The following DISC1 variants were observed in gnomAD, a reference collection of about 807,000 sequenced individuals.
DISC1 encodes the protein DISC1 scaffold protein.
DISC1 carries 57 observed loss-of-function variants against 84.5 expected under a neutral mutation model. That is an observed-to-expected ratio of 0.67 (90% CI 0.55 to 0.84). The LOEUF (loss-of-function observed/expected upper bound fraction) is 0.84, where lower values mean the gene tolerates loss of function less well. DISC1 is among the 40% of genes least tolerant of loss of function. The pLI, the probability that DISC1 is intolerant of heterozygous loss-of-function variation, is 0.00. For missense variants in DISC1, 1,000 were observed against 1,057.8 expected (o/e 0.95, Z 0.76); for synonymous variants, 411 against 415.2 (o/e 0.99, Z 0.12).
chr1:232,008,944 C>A lies in DISC1; in HGVS notation c.2202C>A (p.Pro734=), dbSNP rs138051341. The A allele has an allele frequency of 2.2e-5, 35 of 1,613,700 alleles. No homozygotes were observed. The African/African-American group carries it at 4.3e-4, about 20-fold the overall frequency. Residue 734 remains proline (P), a synonymous_variant, in exon 11 of 13, where the codon CCC becomes CCA. Coordinates refer to ENST00000439617, the MANE Select transcript of DISC1 (RefSeq NM_018662.3). Reference sequence around the variant, plus strand: ...AGGGAGCTGCTCCTCCTATTCCCCCCAGGCTCCACTCCGAGGATAAAAGGA... The same window carrying A: ...AGGGAGCTGCTCCTCCTATTCCCCCAAGGCTCCACTCCGAGGATAAAAGGA... ...DLEGAAPPIP[P]RLHSEDKRKT...
At chr1:231,957,746 A>G (rs1659766708) in intron 9 of DISC1, among the ~76,000 whole-genome samples, 1 of 152,222 alleles carries the variant, frequency 6.6e-6, no homozygotes, top group African/African-American at 2.4e-5. Flanking sequence ...AGAATGTTTA[A>G]TTGTTTTAAT....
chr1:231,966,299 T>C (rs1443930964), intron 10 of DISC1, among the ~76,000 whole-genome samples: 2 of 152,238 alleles, frequency 1.3e-5, no homozygotes, highest in Non-Finnish European at 2.9e-5. Context: ...TTACTCTCAC[T>C]CCTTCAGGGT....
intron 6 of DISC1, among the ~76,000 whole-genome samples, chr1:231,772,575 T>A (rs1402340819): frequency 6.6e-6 from 1 of 152,150 alleles, no homozygotes; most frequent in Non-Finnish European, 1.5e-5. Flanking sequence ...AATTTCTACC[T>A]TATAGAGCTA....
At chr1:231,789,242 G>A (rs2078128811) in intron 6 of DISC1, among the ~76,000 whole-genome samples, 2 of 152,164 alleles carry the variant, frequency 1.3e-5, no homozygotes, top group Non-Finnish European at 2.9e-5. Flanking sequence ...TATGTGTGCT[G>A]GGGCAGAAGG....
intron 6 of DISC1, among the ~76,000 whole-genome samples, chr1:231,771,890 A>G (rs1314951517): frequency 1.3e-5 from 2 of 151,978 alleles, no homozygotes; most frequent in Non-Finnish European, 2.9e-5. Context: ...TATAGCTTCA[A>G]ATTCCTGGGT....
rs9432011 is a variant in DISC1, at chr1:231,821,816, C to T, written c.1981+3299C>T. ...GCAACCTCCGTCTCCCAGGTTCAAG[C>T]GATTCTCCTGCCTCAGCCTCCCAGG... is the stretch of plus-strand genomic sequence containing the variant. On this transcript the variant is annotated intron_variant, in intron 9 of 12. Coordinates refer to ENST00000439617, the MANE Select transcript of DISC1 (RefSeq NM_018662.3). Among the ~76,000 whole-genome samples, 273 of 151,036 alleles carry T rather than the reference C, an allele frequency of 1.8e-3. 1 individual carries two copies. The highest frequency in any genetic ancestry group is 5.4e-3 in the African/African-American group (223 of 41,080).
intron 3 of DISC1, among the ~76,000 whole-genome samples, chr1:231,714,702 G>C (rs116368514): frequency 0.011 from 1,706 of 151,478 alleles, 36 homozygotes; most frequent in African/African-American, 0.038. Context: ...GAGAGAGATA[G>C]GGATTGAGAG....
chr1:231,874,900 G>C (rs1323993267), intron 9 of DISC1, among the ~76,000 whole-genome samples: 1 of 142,900 alleles, frequency 7.0e-6, no homozygotes. Flanking sequence ...CTGGGTGACA[G>C]AGTGAGACTC....
At chr1:231,686,790 G>A (rs997172204) in intron 1 of DISC1, among the ~76,000 whole-genome samples, 13 of 152,054 alleles carry the variant, frequency 8.5e-5, no homozygotes, top group South Asian at 4.1e-4. Context: ...GAACTTTTAT[G>A]TTCTGCTTCC....
chr1:232,025,789 G>C (rs1262156198), intron 11 of DISC1, among the ~76,000 whole-genome samples: 1 of 151,984 alleles, frequency 6.6e-6, no homozygotes, highest in Non-Finnish European at 1.5e-5. Flanking sequence ...GTAAAGACAG[G>C]GTTTCACCGT....
intron 9 of DISC1, among the ~76,000 whole-genome samples, chr1:231,942,039 G>A (rs143799245): frequency 0.015 from 2,270 of 152,222 alleles, 29 homozygotes; most frequent in Non-Finnish European, 0.018. Context: ...AAAACCAGAC[G>A]TGTGATCTGG....
intron 9 of DISC1, among the ~76,000 whole-genome samples, chr1:231,939,614 A>C (rs111343941): frequency 6.6e-6 from 1 of 152,094 alleles, no homozygotes; most frequent in African/African-American, 2.4e-5. Flanking sequence ...CCTTCCTTAC[A>C]TGCTAATCTT....
At chr1:231,683,887 G>T (rs2063952297) in intron 1 of DISC1, among the ~76,000 whole-genome samples, 1 of 151,994 alleles carries the variant, frequency 6.6e-6, no homozygotes, top group Admixed American at 6.6e-5. Context: ...CCAAGTCCCA[G>T]TGGTTCTGAA....
chr1:231,710,709 T>C (rs1003703023), intron 3 of DISC1, among the ~76,000 whole-genome samples: 3 of 152,218 alleles, frequency 2.0e-5, no homozygotes, highest in African/African-American at 7.2e-5. Context: ...TCCCTCTGTA[T>C]GCATTGGTGC....
At chr1:231,836,907 G>A (rs1048072533) in intron 9 of DISC1, among the ~76,000 whole-genome samples, 2 of 151,906 alleles carry the variant, frequency 1.3e-5, no homozygotes, top group African/African-American at 2.4e-5. Context: ...TTTGTAGTCA[G>A]TCTCTCTGTT....
intron 9 of DISC1, among the ~76,000 whole-genome samples, chr1:231,824,237 G>T (rs1450093358): frequency 6.6e-6 from 1 of 152,128 alleles, no homozygotes; most frequent in Non-Finnish European, 1.5e-5. Context: ...GAGTGTTGCG[G>T]TGCTATGTGG....
At chr1:231,827,160 G>T (rs2081912160) in intron 9 of DISC1, among the ~76,000 whole-genome samples, 1 of 151,984 alleles carries the variant, frequency 6.6e-6, no homozygotes, top group Admixed American at 6.6e-5. Context: ...GCTAATTTTT[G>T]TATTTTTAGT....
intron 3 of DISC1, chr1:231,722,784 T>C (rs1190248300): frequency 6.8e-7 from 1 of 1,468,900 alleles, no homozygotes; most frequent in African/African-American, 1.4e-5. Flanking sequence ...GCTGTCTGGA[T>C]GCTGGCCATG....
chr1:231,667,403 G>T (rs200245281), intron 1 of DISC1, among the ~76,000 whole-genome samples: 6 of 152,152 alleles, frequency 3.9e-5, no homozygotes, highest in Admixed American at 6.5e-5. Context: ...CTGATAAGCT[G>T]CAGGGCAGTG....
Sources: allele counts gnomAD v4.1 joint callset (sites outside exome capture counted in the v4.1 genomes callset), GRCh38; gene constraint gnomAD v4.1.1; transcripts MANE v1.5; gene names NCBI Gene and HGNC (gene_info 2026-07-23, HGNC 2026-07-21).